Variants in MYO1E observed in about 807,000 individuals in gnomAD.
MYO1E encodes the protein myosin IE.
In MYO1E, 68 loss-of-function variants were observed where a neutral mutation model predicts 151.1. That is an observed-to-expected ratio of 0.45 (90% confidence interval 0.37 to 0.55). MYO1E has a LOEUF of 0.55. MYO1E is among the 20% of genes least tolerant of loss of function. The pLI is 0.00. For synonymous variants in MYO1E, 601 were observed against 501.7 expected (o/e 1.20, Z -2.64); for missense variants, 1,363 against 1,389.3 (o/e 0.98, Z 0.30).
At chr15:59,182,487 A>G (rs2079669690) in intron 18 of MYO1E, among the ~76,000 whole-genome samples, 1 of 152,328 alleles carries the variant, frequency 6.6e-6, no homozygotes, top group East Asian at 1.9e-4. Flanking sequence ...TGCTGCGATT[A>G]TAGGCATTGA....
rs750509984 is a variant in MYO1E at position 59,227,513 on chromosome 15, T to C, written c.588A>G (p.Lys196=). 41 of 1,614,020 alleles carry C rather than the reference T, an allele frequency of 2.5e-5. 1 individual carries two copies. The highest frequency in any genetic ancestry group is 3.1e-5 in the Non-Finnish European group (37 of 1,180,022). The part of the protein sequence containing the change: ...GGKISNFLLE[K]SRVVMRNPGE... Reference sequence around the variant, plus strand: ...CTGGGTTCCTCATCACCACCCTAGATTTTTCCAGAAGGAAGTTGGAGATCT... The same window carrying C: ...CTGGGTTCCTCATCACCACCCTAGACTTTTCCAGAAGGAAGTTGGAGATCT... The change falls in exon 7 of 28, where the codon AAA becomes AAG. Residue 196 remains lysine (K), a synonymous_variant. Transcript: ENST00000288235.
chr15:59,135,518 A>G lies in MYO1E; in HGVS notation c.*1862T>C, dbSNP rs1220436206. 2 of 152,234 alleles carry G rather than the reference A, an allele frequency of 1.3e-5. No homozygotes were observed. Among genetic ancestry groups the G allele is most frequent in the East Asian group, 3.8e-4 (2 of 5,202 alleles). 9.4% of individuals were successfully genotyped at this position (152,234 alleles called of 1,614,324 possible). On this transcript the variant is annotated 3_prime_UTR_variant, in exon 28 of 28. Transcript: ENST00000288235. The stretch of plus-strand genomic sequence containing the variant: ...AGTACTTTAGAGACCACTAGTGTCA[A>G]CAGGATTACCTTTCCTCAACTCACC...
chr15:59,154,647 C>T (rs1387120150), intron 25 of MYO1E, among the ~76,000 whole-genome samples: 2 of 152,038 alleles, frequency 1.3e-5, no homozygotes, highest in South Asian at 2.1e-4. Context: ...GTGGGATGAC[C>T]CTTAGGAAAG....
At chr15:59,343,007 T>C (rs1298615615) in intron 1 of MYO1E, among the ~76,000 whole-genome samples, 5 of 152,212 alleles carry the variant, frequency 3.3e-5, no homozygotes, top group African/African-American at 1.2e-4. Flanking sequence ...GGGTTCATCC[T>C]TTCATCTTTC....
chr15:59,209,060 A>G, intron 13 of MYO1E: 1 of 625,856 alleles, frequency 1.6e-6, no homozygotes, highest in Non-Finnish European at 2.8e-6. Context: ...ACTTTCCAAA[A>G]AGCTGTTTAA....
intron 6 of MYO1E, among the ~76,000 whole-genome samples, chr15:59,230,224 T>G (rs7180436): frequency 0.2 from 24,814 of 126,788 alleles, 2,666 homozygotes; most frequent in African/African-American, 0.36. Context: ...CAGTGTGTGT[T>G]TGTGTGTGTG....
At chr15:59,192,628 AG>A (rs1296889097) in intron 17 of MYO1E, among the ~76,000 whole-genome samples, 4 of 152,178 alleles carry the variant, frequency 2.6e-5, no homozygotes, top group Admixed American at 6.5e-5. Context: ...ATGCATTTGT[AG>A]GGCAAGTGAG....
chr15:59,216,691 T>TCCACAC (rs2079920482), intron 10 of MYO1E, among the ~76,000 whole-genome samples: 1 of 56,516 alleles, frequency 1.8e-5, no homozygotes, highest in Admixed American at 1.9e-4. Context: ...TATATACACA[T>TCCACAC]ACACACACAC....
Position 59,170,593 on chromosome 15 carries a change from AAAAAC to A in MYO1E, c.2480+1299_2480+1303del, listed in dbSNP as rs1423473519. ...CAGTCAGCGCCTAGAGCTTTAAAAA[AAAAAC>A]AAAAAAAACAATAGCCTTGAAACCT... On this transcript the variant is annotated intron_variant, in intron 22 of 27. Coordinates refer to ENST00000288235, the MANE Select transcript of MYO1E (RefSeq NM_004998.4). Among the ~76,000 whole-genome samples, 12 of 152,278 alleles carry A rather than the reference AAAAAC, an allele frequency of 7.9e-5. No individual in the cohort carries two copies. In the East Asian group the frequency reaches 2.3e-3, roughly 29 times the overall value.
chr15:59,233,421 T>C (rs1245132194), intron 5 of MYO1E, among the ~76,000 whole-genome samples: 1 of 151,990 alleles, frequency 6.6e-6, no homozygotes, highest in African/African-American at 2.4e-5. Context: ...ATCCCAGCAC[T>C]TTGGGAAGCC....
At chr15:59,236,733 G>A (rs547909814) in intron 4 of MYO1E, 61 bp from the exon 5 acceptor site, 1 of 1,362,748 alleles carries the variant, frequency 7.3e-7, no homozygotes, top group East Asian at 2.3e-5. Flanking sequence ...TCCCTTCCTT[G>A]TCTCCCCCAT....
At chr15:59,286,976 C>T (rs1464690078) in intron 1 of MYO1E, among the ~76,000 whole-genome samples, 2 of 152,150 alleles carry the variant, frequency 1.3e-5, no homozygotes, top group African/African-American at 4.8e-5. Context: ...CACTAATCCA[C>T]ATGGCAGATC....
At chr15:59,270,965 T>C (rs1228734438) in intron 2 of MYO1E, 1 of 152,216 alleles carries the variant, frequency 6.6e-6, no homozygotes, top group East Asian at 1.9e-4. Context: ...AATTATAATG[T>C]AGCCAATAAA....
intron 13 of MYO1E, 34 bp downstream of exon 13, chr15:59,210,480 G>A (rs2079872203): frequency 2.9e-6 from 4 of 1,356,838 alleles, no homozygotes; most frequent in Non-Finnish European, 4.2e-6. Flanking sequence ...GTAAACCTGT[G>A]AGCAGTGAAA....
chr15:59,176,121 C>T (rs953289575), intron 19 of MYO1E, among the ~76,000 whole-genome samples: 1 of 152,142 alleles, frequency 6.6e-6, no homozygotes, highest in East Asian at 1.9e-4. Context: ...TGCAGTGGCG[C>T]GATCTCGGCC....
At chr15:59,301,730 G>A (rs751171839) in intron 1 of MYO1E, among the ~76,000 whole-genome samples, 7 of 152,154 alleles carry the variant, frequency 4.6e-5, no homozygotes, top group South Asian at 2.1e-4. Flanking sequence ...CCTGAAGAGC[G>A]GACTCCAAAT....
intron 1 of MYO1E, among the ~76,000 whole-genome samples, chr15:59,363,645 T>C (rs1263021163): frequency 9.2e-5 from 14 of 152,242 alleles, no homozygotes; most frequent in Admixed American, 9.2e-4. Flanking sequence ...CACTACACTT[T>C]GATTTTCTTA....
At chr15:59,163,437 A>G (rs1375946764) in intron 22 of MYO1E, 134 bp from the exon 23 acceptor site, 1 of 903,400 alleles carries the variant, frequency 1.1e-6, no homozygotes, top group Non-Finnish European at 1.6e-6. Flanking sequence ...ATAAGTAATA[A>G]TCTTTCAAAC....
At chr15:59,166,930 C>G (rs1258844763) in intron 22 of MYO1E, among the ~76,000 whole-genome samples, 1 of 152,208 alleles carries the variant, frequency 6.6e-6, no homozygotes, top group Admixed American at 6.5e-5. Flanking sequence ...ACTCAGCTGT[C>G]TGTTCCCCCT....
Sources: allele counts gnomAD v4.1 joint callset (sites outside exome capture counted in the v4.1 genomes callset), GRCh38; gene constraint gnomAD v4.1.1; transcripts MANE v1.5; gene names NCBI Gene and HGNC (gene_info 2026-07-23, HGNC 2026-07-21).